SLC4A1AP: variants seen among roughly 807,000 people sequenced by gnomAD.
SLC4A1AP encodes kanadaptin.
SLC4A1AP carries 64 observed loss-of-function variants against 89.7 expected under a neutral mutation model. The observed-to-expected ratio is 0.71, with a 90% CI of 0.58 to 0.88. The LOEUF (loss-of-function observed/expected upper bound fraction) is 0.88, where lower values mean the gene tolerates loss of function less well. Ranked by LOEUF, SLC4A1AP falls within the 40% of genes least tolerant of loss-of-function variation. SLC4A1AP has a pLI of 0.00. For missense variants in SLC4A1AP, 931 were observed against 965.0 expected, an observed-to-expected ratio of 0.96 and a Z score of 0.47; for synonymous variants, 366 against 353.3, an observed-to-expected ratio of 1.04 and a Z score of -0.40.
At chr2:27,692,120 T>C (rs1424975502) in intron 12 of SLC4A1AP, 2 of 152,164 alleles carry the variant, frequency 1.3e-5, no homozygotes, top group African/African-American at 4.8e-5. Context: ...GCTCAAGACT[T>C]CTTGATGTAG....
chr2:27,682,289 A>G (rs1675631633), exon 9 of SLC4A1AP: 1 of 1,613,956 alleles, frequency 6.2e-7, no homozygotes. Context: ...AAAGCTAAAA[A>G]GCTTACATTG....
chr2:27,693,587 C>T (rs1675824637), intron 12 of SLC4A1AP, 98 bp from the exon 13 acceptor site: 1 of 863,514 alleles, frequency 1.2e-6, no homozygotes, highest in East Asian at 2.7e-5. Flanking sequence ...GTTTATTCTG[C>T]TTAAGGAGGC....
intron 12 of SLC4A1AP, chr2:27,692,371 T>C (rs191237696): frequency 3.3e-4 from 50 of 152,372 alleles, no homozygotes; most frequent in African/African-American, 1.2e-3. Flanking sequence ...ATACTTGATA[T>C]GATTTCAATT....
At chr2:27,666,875 T>A (rs201618284) in intron 2 of SLC4A1AP, among the ~76,000 whole-genome samples, 28,058 of 147,146 alleles carry the variant, frequency 0.19, 3,248 homozygotes, top group East Asian at 0.54. Flanking sequence ...ATATATATTT[T>A]TTTTTTTTTG....
rs1468287692 is a variant in SLC4A1AP at position 27,664,436 on chromosome 2, GC to G, written c.686del (p.Pro229ArgfsTer59). On this transcript the variant is annotated frameshift_variant, in exon 1 of 14. Transcript: ENST00000613058. LOFTEE classifies it high-confidence loss of function. ...CTGACGGAGAATGCGACAGCAACGG[GC>G]CGGGCTTCTACCTCTACGATCTGGG... 6.2e-7 allele frequency: 1 copy of G among 1,614,244 alleles called. No individual in the cohort carries two copies. The highest frequency in any genetic ancestry group is 8.5e-7 in the Non-Finnish European group (1 of 1,180,046).
At chr2:27,675,870 G>A (rs1430764514) in intron 6 of SLC4A1AP, among the ~76,000 whole-genome samples, 178 bp downstream of exon 6, 1 of 152,014 alleles carries the variant, frequency 6.6e-6, no homozygotes, top group East Asian at 1.9e-4. Flanking sequence ...TCTTATCCAA[G>A]TTGTTTGAAA....
In SLC4A1AP at chr2:27,684,478, C is replaced by G. The variant is rs777354887; in HGVS notation, c.1876-559C>G. On this transcript the variant is annotated intron_variant, in intron 9 of 13. Coordinates refer to ENST00000613058, the Ensembl canonical transcript of SLC4A1AP. ...CAAGATATGCTTTGGTTCCTTCCCT[C>G]TATTCCATAACTGTGATCAACCTTT... 4.0e-4 allele frequency among the ~76,000 whole-genome samples: 60 copies of G among 151,038 alleles called. 1 individual carries two copies. The highest frequency in any genetic ancestry group is 7.5e-4 in the Non-Finnish European group (51 of 67,806).
At chr2:27,677,162 C>G in intron 6 of SLC4A1AP, 133 bp from the exon 7 acceptor site, 1 of 706,160 alleles carries the variant, frequency 1.4e-6, no homozygotes, top group Non-Finnish European at 2.5e-6. Flanking sequence ...AGTGTTAACT[C>G]CATAAGTAGC....
At chr2:27,665,429 G>C (rs1253505732) in intron 2 of SLC4A1AP, 134 bp downstream of exon 2, 2 of 632,552 alleles carry the variant, frequency 3.2e-6, no homozygotes, top group Non-Finnish European at 5.0e-6. Context: ...TTGCACATGA[G>C]GTAACCAAAA....
intron 8 of SLC4A1AP, 109 bp downstream of exon 8, chr2:27,678,033 C>T (rs1372798695): frequency 2.8e-6 from 2 of 715,734 alleles, no homozygotes; most frequent in Non-Finnish European, 4.3e-6. Flanking sequence ...AAATGTAATG[C>T]AAGGAACCCT....
intron 5 of SLC4A1AP, among the ~76,000 whole-genome samples, chr2:27,670,973 G>C (rs1675420530): frequency 1.4e-5 from 2 of 144,012 alleles, no homozygotes; most frequent in Non-Finnish European, 1.5e-5. Context: ...ACCCAGACTG[G>C]AGTGCAGTGG....
chr2:27,668,302 C>A (rs1675366858), intron 3 of SLC4A1AP, among the ~76,000 whole-genome samples: 1 of 152,144 alleles, frequency 6.6e-6, no homozygotes, highest in African/African-American at 2.4e-5. Context: ...GCGCCCGCCA[C>A]CACGCCCGGC....
At chr2:27,664,441 G>A (rs1675267728) in exon 1 of SLC4A1AP, 1 of 1,614,114 alleles carries the variant, frequency 6.2e-7, no homozygotes, top group South Asian at 1.1e-5. Context: ...AACGGGCCGG[G>A]CTTCTACCTC....
At chr2:27,682,867 G>A (rs1442977425) in intron 9 of SLC4A1AP, among the ~76,000 whole-genome samples, 2 of 152,144 alleles carry the variant, frequency 1.3e-5, no homozygotes, top group Non-Finnish European at 2.9e-5. Context: ...AAGAATTGAT[G>A]AATTAATTTA....
At chr2:27,671,386 T>C (rs1003935193) in intron 5 of SLC4A1AP, among the ~76,000 whole-genome samples, 2 of 152,248 alleles carry the variant, frequency 1.3e-5, no homozygotes, top group African/African-American at 2.4e-5. Flanking sequence ...TTGTTTTTCC[T>C]AAGGGTAATA....
chr2:27,685,819 G>A (rs763926438), intron 10 of SLC4A1AP, among the ~76,000 whole-genome samples: 8 of 152,096 alleles, frequency 5.3e-5, no homozygotes, highest in South Asian at 4.2e-4. Context: ...GTTGAAAGAC[G>A]GAATAGATTG....
chr2:27,683,019 A>G (rs1675645815), intron 9 of SLC4A1AP, among the ~76,000 whole-genome samples: 1 of 152,228 alleles, frequency 6.6e-6, no homozygotes, highest in South Asian at 2.1e-4. Context: ...ACTCACCAAC[A>G]TTTAAGAACA....
At chr2:27,674,015 TG>T (rs2148133944) in intron 5 of SLC4A1AP, among the ~76,000 whole-genome samples, 1 of 151,848 alleles carries the variant, frequency 6.6e-6, no homozygotes, top group South Asian at 2.1e-4. Context: ...TGTGTGTGTG[TG>T]TGTGTGTGTG....
chr2:27,681,678 G>A (rs1209121794), intron 8 of SLC4A1AP, among the ~76,000 whole-genome samples: 1 of 152,026 alleles, frequency 6.6e-6, no homozygotes, highest in African/African-American at 2.4e-5. Flanking sequence ...CCCTTCCTCA[G>A]CTTTGTCCTA....
Sources: gnomAD v4.1 joint callset for allele counts (sites outside exome capture counted in the v4.1 genomes callset) on GRCh38, gnomAD v4.1.1 for gene constraint, MANE v1.5 for transcripts, NCBI Gene and HGNC (gene_info 2026-07-23, HGNC 2026-07-21) for gene names.